Variants in CDC20B observed in about 807,000 individuals in gnomAD.
The protein encoded by CDC20B is cell division cycle 20B.
CDC20B carries 58 observed loss-of-function variants against 64.1 expected under a neutral mutation model. The observed-to-expected ratio is 0.90, with a 90% CI of 0.73 to 1.13. The LOEUF (loss-of-function observed/expected upper bound fraction) is 1.13, where lower values mean the gene tolerates loss of function less well. Ranked by LOEUF, CDC20B falls within the 50% of genes most tolerant of loss-of-function variation. The probability of loss-of-function intolerance (pLI) is 0.00; values close to 1 mark genes in which losing one functional copy is unlikely to be tolerated. For missense variants in CDC20B, 597 were observed against 633.0 expected, an observed-to-expected ratio of 0.94 and a Z score of 0.61; for synonymous variants, 243 against 230.6, an observed-to-expected ratio of 1.05 and a Z score of -0.49.
chr5:55,146,612 G>A lies in CDC20B; in HGVS notation c.355+16C>T. 1 of 1,595,636 alleles carries A rather than the reference G, an allele frequency of 6.3e-7. No homozygotes were observed. ...TCACGTTGCAAAACGGGGCTGTGGC[G>A]TTTGGGGCACCTCACCTAGAGTCAA... is the stretch of plus-strand genomic sequence containing the variant. On this transcript the variant is annotated intron_variant, in intron 3 of 11. Coordinates refer to ENST00000381375, the MANE Select transcript of CDC20B (RefSeq NM_001170402.1).
Position 55,128,452 on chromosome 5 carries a change from A to C in CDC20B, c.863T>G (p.Leu288Arg), listed in dbSNP as rs1296179919. 1.2e-6 allele frequency: 2 copies of C among 1,605,214 alleles called. No individual in the cohort carries two copies. The highest frequency in any genetic ancestry group is 1.7e-4 in the Middle Eastern group (1 of 6,032). Reference protein sequence around the residue: ...SVSWIKEGTCLAVGTSEGEVQ... With the variant: ...SVSWIKEGTCRAVGTSEGEVQ... ...TTCTCCCTCGCTGGTGCCAACTGCCAGGCAAGTTCCCTCTTTTATCCAGGA... is the reference window on the plus strand; with the variant it reads ...TTCTCCCTCGCTGGTGCCAACTGCCCGGCAAGTTCCCTCTTTTATCCAGGA... Residue 288 changes from leucine to arginine, a missense_variant, in exon 7 of 12, where the codon CTG (leucine) becomes CGG (arginine). Physicochemically the swap from Leu to Arg is moderately radical, Grantham distance 102. Around this residue, in one of 3 missense-constraint regions of CDC20B, gnomAD observed 353 missense variants for 397.0 expected, o/e 0.89. Coordinates refer to ENST00000381375, the MANE Select transcript of CDC20B (RefSeq NM_001170402.1).
chr5:55,151,251 A>G (rs140258031), intron 2 of CDC20B, among the ~76,000 whole-genome samples: 235 of 152,242 alleles, frequency 1.5e-3, no homozygotes, highest in African/African-American at 5.5e-3. Flanking sequence ...TTTCATATGA[A>G]TTTTCCCACT....
chr5:55,128,831 T>C (rs1742960064), intron 6 of CDC20B, among the ~76,000 whole-genome samples: 1 of 152,226 alleles, frequency 6.6e-6, no homozygotes, highest in South Asian at 2.1e-4. Flanking sequence ...GCAATAATGC[T>C]TATTATTTAC....
Position 55,124,946 on chromosome 5 carries a change from C to A in CDC20B, c.1072G>T (p.Val358Leu). 1 of 1,614,194 alleles carries A rather than the reference C, an allele frequency of 6.2e-7. No individual in the cohort carries two copies. Among genetic ancestry groups the A allele is most frequent in the Middle Eastern group, 1.6e-4 (1 of 6,062 alleles). Residue 358 changes from valine (V) to leucine (L), a missense_variant, in exon 9 of 12, where the codon GTG becomes TTG. Coordinates refer to ENST00000381375, the MANE Select transcript of CDC20B (RefSeq NM_001170402.1). ...HVGTLRHKQA[V>L]CALKWSPDGR... Reference sequence around the variant, plus strand: ...TCCGGTGACCACTTCAGAGCACACACAGCTTGCTTGTGGCGAAGTGTTCCA... The same window carrying A: ...TCCGGTGACCACTTCAGAGCACACAAAGCTTGCTTGTGGCGAAGTGTTCCA...
chr5:55,124,727 A>C (rs1298989957), intron 9 of CDC20B, 76 bp downstream of exon 9: 1 of 1,229,800 alleles, frequency 8.1e-7, no homozygotes, highest in Admixed American at 2.5e-5. Context: ...TGGCTTAATG[A>C]TTTTCTTTTT....
At chr5:55,143,783 G>C in intron 3 of CDC20B, 140 bp from the exon 4 acceptor site, 1 of 727,664 alleles carries the variant, frequency 1.4e-6, no homozygotes, top group Non-Finnish European at 2.1e-6. Context: ...CCATTGCAGA[G>C]AGCAGGACAG....
At chr5:55,172,880 G>A in intron 1 of CDC20B, 58 bp downstream of exon 1, 1 of 1,477,382 alleles carries the variant, frequency 6.8e-7, no homozygotes, top group Non-Finnish European at 9.1e-7. Flanking sequence ...TATTATGAAC[G>A]GGGCCTTCGG....
intron 2 of CDC20B, among the ~76,000 whole-genome samples, chr5:55,157,941 T>C (rs1046533645): frequency 4.6e-5 from 7 of 152,214 alleles, no homozygotes; most frequent in African/African-American, 1.4e-4. Context: ...AATTTTAAAA[T>C]GCATGTTCCT....
At chr5:55,143,390 T>A (rs1743381743) in intron 4 of CDC20B, 123 bp downstream of exon 4, 1 of 991,316 alleles carries the variant, frequency 1.0e-6, no homozygotes, top group Non-Finnish European at 1.4e-6. Context: ...TCATTTTTTA[T>A]CAGGAATGCA....
chr5:55,119,750 A>G, intron 11 of CDC20B, 51 bp downstream of exon 11: 1 of 1,108,058 alleles, frequency 9.0e-7, no homozygotes. Flanking sequence ...CCCCCCAACA[A>G]CAGCTCACTT....
intron 2 of CDC20B, among the ~76,000 whole-genome samples, chr5:55,152,423 T>C (rs559777113): frequency 2.0e-5 from 3 of 152,192 alleles, no homozygotes; most frequent in Non-Finnish European, 4.4e-5. Flanking sequence ...GATATATGAA[T>C]CGGAGGGAGT....
intron 5 of CDC20B, among the ~76,000 whole-genome samples, chr5:55,133,768 G>A (rs987535711): frequency 1.3e-5 from 2 of 152,104 alleles, no homozygotes; most frequent in Admixed American, 6.5e-5. Flanking sequence ...AAAAGCACAT[G>A]CATACAGACC....
At chr5:55,134,907 C>T (rs1325861574) in intron 5 of CDC20B, among the ~76,000 whole-genome samples, 1 of 152,084 alleles carries the variant, frequency 6.6e-6, no homozygotes, top group Non-Finnish European at 1.5e-5. Flanking sequence ...GACGGATGAA[C>T]AGACAAAGCA....
At chr5:55,147,891 T>G (rs748775337) in intron 2 of CDC20B, among the ~76,000 whole-genome samples, 2 of 152,210 alleles carry the variant, frequency 1.3e-5, no homozygotes, top group Non-Finnish European at 2.9e-5. Flanking sequence ...ATGGGGAAGC[T>G]GAGGCCTAGA....
intron 3 of CDC20B, among the ~76,000 whole-genome samples, chr5:55,144,994 C>T (rs1403772099): frequency 6.6e-6 from 1 of 152,198 alleles, no homozygotes; most frequent in Non-Finnish European, 1.5e-5. Context: ...ATAAAATGGT[C>T]TTTCTTGTAA....
At chr5:55,130,645 C>G (rs13359463) in intron 6 of CDC20B, among the ~76,000 whole-genome samples, 2 of 152,088 alleles carry the variant, frequency 1.3e-5, no homozygotes, top group East Asian at 1.9e-4. Context: ...CTAAAGGAAG[C>G]TCTTCAGGCT....
chr5:55,120,288 G>A, intron 10 of CDC20B, 137 bp downstream of exon 10: 1 of 925,492 alleles, frequency 1.1e-6, no homozygotes, highest in Non-Finnish European at 1.6e-6. Context: ...ACAATAAAAA[G>A]AAACTCTTGA....
intron 11 of CDC20B, 59 bp downstream of exon 11, chr5:55,119,742 C>T (rs1742711041): frequency 9.6e-7 from 1 of 1,040,982 alleles, no homozygotes; most frequent in East Asian, 2.4e-5. Flanking sequence ...GGGCTTTTCC[C>T]CCCAACAACA....
chr5:55,117,294 G>A (rs750233266), intron 11 of CDC20B, among the ~76,000 whole-genome samples: 5 of 152,068 alleles, frequency 3.3e-5, no homozygotes, highest in South Asian at 2.1e-4. Context: ...AACAGGGTAC[G>A]GCTTAGTAAA....
Sources: allele counts gnomAD v4.1 joint callset (sites outside exome capture counted in the v4.1 genomes callset), GRCh38; gene constraint gnomAD v4.1.1; regional missense constraint gnomAD v4.1.1; transcripts MANE v1.5; gene names NCBI Gene and HGNC (gene_info 2026-07-23, HGNC 2026-07-21).